Variants in PNMA1 observed in about 807,000 individuals in gnomAD.
The protein encoded by PNMA1 is PNMA family member 1.
Under a neutral mutation model 26.1 loss-of-function variants are expected in PNMA1, and 21 were observed. The observed-to-expected ratio is 0.80, with a 90% CI of 0.57 to 1.16. The LOEUF (loss-of-function observed/expected upper bound fraction) is 1.16, where lower values mean the gene tolerates loss of function less well. PNMA1 is among the 50% of genes most tolerant of loss of function. The pLI is 0.00. For synonymous variants in PNMA1, 189 were observed against 177.3 expected (o/e 1.07, Z -0.52); for missense variants, 435 against 437.3 (o/e 0.99, Z 0.05).
At position 73,712,629 on chromosome 14, in the gene PNMA1, C is replaced by T; in HGVS notation, c.1011G>A (p.Glu337=). The change falls in exon 1 of 1, where the codon GAG becomes GAA. Residue 337 remains glutamate (E), a synonymous_variant. Coordinates refer to ENST00000316836, the MANE Select transcript of PNMA1 (RefSeq NM_006029.5). ...QIREEEAKEE[E]EEAEATLLQL... The stretch of plus-strand genomic sequence containing the variant: ...GCAGAAGGGTGGCCTCAGCCTCCTC[C>T]TCCTCCTCCTTGGCTTCCTCCTCAC... 6.2e-7 allele frequency: 1 copy of T among 1,613,298 alleles called. No homozygotes were observed. Among genetic ancestry groups the T allele is most frequent in the Non-Finnish European group, 8.5e-7 (1 of 1,179,618 alleles).
rs199673411 is a variant in PNMA1 at position 73,713,291 on chromosome 14, G to T, written c.349C>A (p.Gln117Lys). 70 of 1,614,080 alleles carry T rather than the reference G, an allele frequency of 4.3e-5. No homozygotes were observed. The highest frequency in any genetic ancestry group is 1.6e-4 in the Middle Eastern group (1 of 6,084). The change falls in exon 1 of 1, where the codon CAA becomes AAA. Residue 117 changes from glutamine (Q) to lysine (K), a missense_variant. Transcript: ENST00000316836. Reference protein sequence around the residue: ...LFLAREGWTVQDVARVLGFQN... With the variant: ...LFLAREGWTVKDVARVLGFQN... Reference sequence around the variant, plus strand: ...AACCCAAGGACACGGGCAACATCTTGCACGGTCCACCCCTCTCTAGCTAGG... The same window carrying T: ...AACCCAAGGACACGGGCAACATCTTTCACGGTCCACCCCTCTCTAGCTAGG...
In PNMA1 at chr14:73,714,030, C is replaced by G. The variant is rs1045424009; in HGVS notation, c.-391G>C. 5.7e-6 allele frequency: 1 copy of G among 175,520 alleles called. No homozygotes were observed. Among genetic ancestry groups the G allele is most frequent in the Non-Finnish European group, 1.3e-5 (1 of 74,628 alleles). 10.9% of individuals were successfully genotyped at this position (175,520 alleles called of 1,614,324 possible). ...TCGCGGGGCGTGGCCGCCGGGCGCT[C>G]GCTGCGGCTCCTGGAGAGGATCGGG... On this transcript the variant is annotated 5_prime_UTR_variant, in exon 1 of 1. Transcript: ENST00000316836.
At position 73,712,162 on chromosome 14, in the gene PNMA1, AATCT is replaced by A. The variant is rs145799148; in HGVS notation, c.*412_*415del. The A allele has an allele frequency of 0.011, 1,822 of 166,858 alleles. 38 individuals carry two copies. Among genetic ancestry groups the A allele is most frequent in the African/African-American group, 0.041 (1,731 of 42,142 alleles). 10.3% of individuals were successfully genotyped at this position (166,858 alleles called of 1,614,324 possible). A position where few individuals can be genotyped will look rare whatever the true frequency, so the allele number is the denominator to read the frequency against. ...ACAAAAATCTATCCGCGTTATCAGT[AATCT>A]AACAGTGCATACTTTTACTGAACAC... is the stretch of plus-strand genomic sequence containing the variant. On this transcript the variant is annotated 3_prime_UTR_variant, in exon 1 of 1. Coordinates refer to ENST00000316836, the MANE Select transcript of PNMA1 (RefSeq NM_006029.5).
chr14:73,711,900 A>G lies in PNMA1; in HGVS notation c.*678T>C, dbSNP rs1328045034. The G allele has an allele frequency of 6.6e-6, 1 of 152,266 alleles. No homozygotes were observed. The highest frequency in any genetic ancestry group is 6.5e-5 in the Admixed American group (1 of 15,282). 9.4% of individuals were successfully genotyped at this position (152,266 alleles called of 1,614,324 possible). A position where few individuals can be genotyped will look rare whatever the true frequency, so the allele number is the denominator to read the frequency against. ...GGGGAGTGAATTACTGTACAGGTGC[A>G]TATCAACCTCTCCATGCAATTTACA... On this transcript the variant is annotated 3_prime_UTR_variant, in exon 1 of 1. Coordinates refer to ENST00000316836, the MANE Select transcript of PNMA1 (RefSeq NM_006029.5).
Position 73,712,379 on chromosome 14 carries a change from T to C in PNMA1, c.*199A>G. On this transcript the variant is annotated 3_prime_UTR_variant, in exon 1 of 1. Transcript: ENST00000316836. The stretch of plus-strand genomic sequence containing the variant: ...TTTAGCCAGCAAGACCCGCTTGCAT[T>C]GCAGTCGTTCACGGTGCTCGCTGGC... 1.9e-6 allele frequency: 1 copy of C among 531,294 alleles called. No individual in the cohort carries two copies. Among genetic ancestry groups the C allele is most frequent in the Non-Finnish European group, 3.3e-6 (1 of 302,116 alleles). The allele number at this position is 531,294 out of a possible 1,614,324, so 32.9% of individuals were successfully genotyped here. A position where few individuals can be genotyped will look rare whatever the true frequency, so the allele number is the denominator to read the frequency against.
At position 73,712,496 on chromosome 14, in the gene PNMA1, C is replaced by T. The variant is rs1205898753; in HGVS notation, c.*82G>A. ...AGAACAAGGCTAAGCCTTTACTACT[C>T]AGAGACACATCTGTAAGACCCCACA... On this transcript the variant is annotated 3_prime_UTR_variant, in exon 1 of 1. Coordinates refer to ENST00000316836, the MANE Select transcript of PNMA1 (RefSeq NM_006029.5). 1 of 956,054 alleles carries T rather than the reference C, an allele frequency of 1.0e-6. No homozygotes were observed. 59.2% of individuals were successfully genotyped at this position (956,054 alleles called of 1,614,324 possible). A position where few individuals can be genotyped will look rare whatever the true frequency, so the allele number is the denominator to read the frequency against.
In PNMA1 at chr14:73,712,964, T is replaced by C. The variant is rs770544424; in HGVS notation, c.676A>G (p.Thr226Ala). The change falls in exon 1 of 1, where the codon ACT (threonine) becomes GCT (alanine). Residue 226 changes from threonine to alanine, a missense_variant. Thr to Ala is a moderately conservative substitution (Grantham distance 58, BLOSUM62 0). Coordinates refer to ENST00000316836, the MANE Select transcript of PNMA1 (RefSeq NM_006029.5). ...ILKSNNPAIT[T>A]AECLKALEQV... The stretch of plus-strand genomic sequence containing the variant: ...TCAAGCGCCTTCAGGCATTCGGCAG[T>C]GGTTATCGCGGGGTTGTTGGACTTA... 2.5e-5 allele frequency: 41 copies of C among 1,614,202 alleles called. No individual in the cohort carries two copies. The highest frequency in any genetic ancestry group is 3.4e-5 in the Non-Finnish European group (40 of 1,180,042).
chr14:73,712,455 C>G lies in PNMA1; in HGVS notation c.*123G>C, dbSNP rs912779773. On this transcript the variant is annotated 3_prime_UTR_variant, in exon 1 of 1. Transcript: ENST00000316836. ...CTCAGGCCTGACTAACCTTCCCCTC[C>G]AAAAAACAACAAAACAGAACAAGGC... 2.7e-6 allele frequency: 2 copies of G among 738,850 alleles called. No individual in the cohort carries two copies. The highest frequency in any genetic ancestry group is 3.5e-5 in the African/African-American group (2 of 57,288). The allele number at this position is 738,850 out of a possible 1,614,324, so 45.8% of individuals were successfully genotyped here.
chr14:73,713,840 C>T lies in PNMA1; in HGVS notation c.-201G>A. ...CCGTAGGTGCACTCGGAGCCGAGCT[C>T]GGGGACGCTGAGGCAGTCACGCGGC... On this transcript the variant is annotated 5_prime_UTR_variant, in exon 1 of 1. Transcript: ENST00000316836. The T allele has an allele frequency of 2.0e-6, 1 of 490,666 alleles. No homozygotes were observed. Among genetic ancestry groups the T allele is most frequent in the Non-Finnish European group, 3.6e-6 (1 of 276,134 alleles). The allele number at this position is 490,666 out of a possible 1,614,324, so 30.4% of individuals were successfully genotyped here.
At position 73,712,436 on chromosome 14, in the gene PNMA1, C is replaced by A; in HGVS notation, c.*142G>T. ...TTAGAATGTTACATGAATACTCAGG[C>A]CTGACTAACCTTCCCCTCCAAAAAA... On this transcript the variant is annotated 3_prime_UTR_variant, in exon 1 of 1. Coordinates refer to ENST00000316836, the MANE Select transcript of PNMA1 (RefSeq NM_006029.5). 1.5e-6 allele frequency: 1 copy of A among 667,082 alleles called. No individual in the cohort carries two copies. Among genetic ancestry groups the A allele is most frequent in the Admixed American group, 2.4e-5 (1 of 41,580 alleles). The allele number at this position is 667,082 out of a possible 1,614,324, so 41.3% of individuals were successfully genotyped here.
rs769255012 is a variant in PNMA1 at position 73,712,815 on chromosome 14, C to G, written c.825G>C (p.Val275=). ...CTTTATCAATGGCCCCCTTCTCTAC[C>G]ACCTTCTGTAGCAGAGGCTCCAGAC... is the stretch of plus-strand genomic sequence containing the variant. ...VIRLEPLLQK[V]VEKGAIDKDN... is the part of the protein sequence containing the mutation. The change falls in exon 1 of 1, where the codon GTG becomes GTC. Residue 275 remains valine (V), a synonymous_variant. Coordinates refer to ENST00000316836, the MANE Select transcript of PNMA1 (RefSeq NM_006029.5). The G allele has an allele frequency of 1.9e-6, 3 of 1,614,086 alleles. No homozygotes were observed. Among genetic ancestry groups the G allele is most frequent in the Non-Finnish European group, 2.5e-6 (3 of 1,180,000 alleles).
At position 73,713,878 on chromosome 14, in the gene PNMA1, G is replaced by C. The variant is rs1443944332; in HGVS notation, c.-239C>G. 4.6e-6 allele frequency: 2 copies of C among 438,694 alleles called. No homozygotes were observed. The highest frequency in any genetic ancestry group is 8.2e-6 in the Non-Finnish European group (2 of 244,504). 27.2% of individuals were successfully genotyped at this position (438,694 alleles called of 1,614,324 possible). On this transcript the variant is annotated 5_prime_UTR_variant, in exon 1 of 1. Coordinates refer to ENST00000316836, the MANE Select transcript of PNMA1 (RefSeq NM_006029.5). The stretch of plus-strand genomic sequence containing the variant: ...GCAGTCACGCGGCCGTCGCCATCTT[G>C]CGTCTGGGTCTGGGTCCGGTCGGGT...
Position 73,712,735 on chromosome 14 carries a change from C to G in PNMA1, c.905G>C (p.Gly302Ala), listed in dbSNP as rs754817516. Residue 302 changes from glycine (G) to alanine (A), a missense_variant, in exon 1 of 1, where the codon GGG (glycine) becomes GCG (alanine). Gly to Ala is a moderately conservative substitution (Grantham distance 60, BLOSUM62 0). Transcript: ENST00000316836. ...AAGCCACAGCTGCCTTCGGATGGCCCCGCTGTGGTTGGCCCCGGCAATGAC... is the reference window on the plus strand; with the variant it reads ...AAGCCACAGCTGCCTTCGGATGGCCGCGCTGTGGTTGGCCCCGGCAATGAC... ...EQVIAGANHSGAIRRQLWLTG... is the reference protein window; with the variant it reads ...EQVIAGANHSAAIRRQLWLTG... The G allele has an allele frequency of 6.2e-7, 1 of 1,614,220 alleles. No homozygotes were observed.
chr14:73,713,528 T>G lies in PNMA1; in HGVS notation c.112A>C (p.Thr38Pro). ...ACCTGGGGCATCGCAGCCTGGAGGG[T>G]CTCTTCGATTTCAGCCTCATCACAG... ...VNCDEAEIEE[T>P]LQAAMPQVSY... The change falls in exon 1 of 1, where the codon ACC becomes CCC. Residue 38 changes from threonine to proline, a missense_variant. Thr to Pro is a conservative substitution (Grantham distance 38). Transcript: ENST00000316836. The G allele has an allele frequency of 6.2e-7, 1 of 1,613,900 alleles. No homozygotes were observed. Among genetic ancestry groups the G allele is most frequent in the Non-Finnish European group, 8.5e-7 (1 of 1,179,982 alleles).
chr14:73,713,566 C>T lies in PNMA1; in HGVS notation c.74G>A (p.Gly25Asp), dbSNP rs2052841177. The change falls in exon 1 of 1, where the codon GGC (glycine) becomes GAC (aspartate). Residue 25 changes from glycine to aspartate, a missense_variant. Physicochemically the swap from Gly to Asp is moderately conservative, Grantham distance 94 (BLOSUM62 -1). Coordinates refer to ENST00000316836, the MANE Select transcript of PNMA1 (RefSeq NM_006029.5). Reference sequence around the variant, plus strand: ...AGCCTCATCACAGTTCACTGGGATGCCCCAGACTAACAGAGCTCTCTGGGA... The same window carrying T: ...AGCCTCATCACAGTTCACTGGGATGTCCCAGACTAACAGAGCTCTCTGGGA... ...VNSQRALLVW[G>D]IPVNCDEAEI... 7 of 1,613,790 alleles carry T rather than the reference C, an allele frequency of 4.3e-6. No homozygotes were observed. Among genetic ancestry groups the T allele is most frequent in the Non-Finnish European group, 5.9e-6 (7 of 1,179,678 alleles).
chr14:73,712,352 A>C lies in PNMA1; in HGVS notation c.*226T>G, dbSNP rs2140080253. 3.6e-6 allele frequency: 1 copy of C among 274,336 alleles called. No individual in the cohort carries two copies. Among genetic ancestry groups the C allele is most frequent in the East Asian group, 3.1e-5 (1 of 32,752 alleles). The allele number at this position is 274,336 out of a possible 1,614,324, so 17.0% of individuals were successfully genotyped here. On this transcript the variant is annotated 3_prime_UTR_variant, in exon 1 of 1. Transcript: ENST00000316836. ...GTGTCCAACCAACCCTTTACCTGGC[A>C]TTTTAGCCAGCAAGACCCGCTTGCA...
Position 73,713,919 on chromosome 14 carries a change from G to A in PNMA1, c.-280C>T. On this transcript the variant is annotated 5_prime_UTR_variant, in exon 1 of 1. Coordinates refer to ENST00000316836, the MANE Select transcript of PNMA1 (RefSeq NM_006029.5). ...CCGGTCGGGTCCGCCGCCTGCAGCA[G>A]GGGCGTCGCGTCGTCGTGCAGCGGG... 1 of 304,992 alleles carries A rather than the reference G, an allele frequency of 3.3e-6. No individual in the cohort carries two copies. Among genetic ancestry groups the A allele is most frequent in the Non-Finnish European group, 6.1e-6 (1 of 163,082 alleles). The allele number at this position is 304,992 out of a possible 1,614,324, so 18.9% of individuals were successfully genotyped here.
chr14:73,712,589 C>G lies in PNMA1; in HGVS notation c.1051G>C (p.Gly351Arg). ...GCCTTTCCTGGCACTCAGAAGTGCC[C>G]TTCCAGGCCTAACTGCAGAAGGGTG... ...EATLLQLGLEGHF is the reference protein window; with the variant it reads ...EATLLQLGLERHF The change falls in exon 1 of 1, where the codon GGG becomes CGG. Residue 351 changes from glycine (G) to arginine (R), a missense_variant. Coordinates refer to ENST00000316836, the MANE Select transcript of PNMA1 (RefSeq NM_006029.5). The G allele has an allele frequency of 6.3e-7, 1 of 1,596,470 alleles. No homozygotes were observed. Among genetic ancestry groups the G allele is most frequent in the Non-Finnish European group, 8.5e-7 (1 of 1,171,280 alleles).
chr14:73,713,288 C>T lies in PNMA1; in HGVS notation c.352G>A (p.Asp118Asn), dbSNP rs1170146875. The change falls in exon 1 of 1, where the codon GAT becomes AAT. Residue 118 changes from aspartate (D) to asparagine (N), a missense_variant. Physicochemically the swap from Asp to Asn is conservative, Grantham distance 23. Coordinates refer to ENST00000316836, the MANE Select transcript of PNMA1 (RefSeq NM_006029.5). ...FLAREGWTVQ[D>N]VARVLGFQNP... is the part of the protein sequence containing the mutation. Reference sequence around the variant, plus strand: ...TGAAACCCAAGGACACGGGCAACATCTTGCACGGTCCACCCCTCTCTAGCT... The same window carrying T: ...TGAAACCCAAGGACACGGGCAACATTTTGCACGGTCCACCCCTCTCTAGCT... 2 of 1,614,120 alleles carry T rather than the reference C, an allele frequency of 1.2e-6. No individual in the cohort carries two copies. Among genetic ancestry groups the T allele is most frequent in the Non-Finnish European group, 1.7e-6 (2 of 1,180,048 alleles).
Sources: allele counts gnomAD v4.1 joint callset, GRCh38; gene constraint gnomAD v4.1.1; transcripts MANE v1.5; gene names NCBI Gene and HGNC (gene_info 2026-07-23, HGNC 2026-07-21).